CFAP73: variants seen among roughly 807,000 people sequenced by gnomAD.
CFAP73 encodes cilia- and flagella-associated protein 73.
CFAP73 carries 33 observed loss-of-function variants against 42.9 expected under a neutral mutation model. The ratio of observed to expected loss-of-function variants is 0.77; its 90% CI spans 0.58 to 1.03. The LOEUF is 1.03. Ranked by LOEUF, CFAP73 falls within the 50% of genes least tolerant of loss-of-function variation. The pLI is 0.00. For missense variants in CFAP73, 392 were observed against 411.9 expected (o/e 0.95, Z 0.42); for synonymous variants, 162 against 186.8 (o/e 0.87, Z 1.08).
intron 1 of CFAP73, 72 bp from the exon 2 acceptor site, chr12:113,151,846 A>T: frequency 9.3e-7 from 1 of 1,077,314 alleles, no homozygotes; most frequent in Non-Finnish European, 1.4e-6. Context: ...GGGGCACTCC[A>T]GACACAGTGG....
rs888203830 is a variant in CFAP73 at position 113,154,545 on chromosome 12, C to T, written c.600C>T (p.Asp200=). The change falls in exon 5 of 8, where the codon GAC becomes GAT. Residue 200 remains aspartate, a synonymous_variant. Coordinates refer to ENST00000335621, the MANE Select transcript of CFAP73 (RefSeq NM_001144872.3). This position sits in a 1 kb window ranked among gnomAD's most constrained non-coding sequence, Gnocchi z 4.7. ...GAGCGCGGCTGCAGCAGCTGCGGGA[C>T]GCCTGGCCGGACGAGGTGCTCGCAC... ...AARARLQQLR[D]AWPDEVLAQG... 4 of 1,475,502 alleles carry T rather than the reference C, an allele frequency of 2.7e-6. No homozygotes were observed. Among genetic ancestry groups the T allele is most frequent in the Non-Finnish European group, 3.6e-6 (4 of 1,122,894 alleles). 91.4% of individuals were successfully genotyped at this position (1,475,502 alleles called of 1,614,324 possible).
rs201014565 is a variant in CFAP73 at position 113,159,092 on chromosome 12, C to G, written c.*403C>G. 1.2e-6 allele frequency: 2 copies of G among 1,601,836 alleles called. No homozygotes were observed. Among genetic ancestry groups the G allele is most frequent in the African/African-American group, 2.7e-5 (2 of 74,824 alleles). Reference sequence around the variant, plus strand: ...ACTCGGCCTGCAGGGGTGCCTGGGGCGTGGGGCCGGGATGCACCTGCTGGG... The same window carrying G: ...ACTCGGCCTGCAGGGGTGCCTGGGGGGTGGGGCCGGGATGCACCTGCTGGG... On this transcript the variant is annotated 3_prime_UTR_variant, in exon 8 of 8. Transcript: ENST00000335621.
chr12:113,151,141 C>G (rs1952058184), intron 1 of CFAP73, among the ~76,000 whole-genome samples: 1 of 152,110 alleles, frequency 6.6e-6, no homozygotes, highest in Non-Finnish European at 1.5e-5. Context: ...CCAGTGCCTA[C>G]AAGGGTGCCT....
chr12:113,156,301 C>G (rs987835077), intron 6 of CFAP73, among the ~76,000 whole-genome samples: 16 of 151,992 alleles, frequency 1.1e-4, no homozygotes, highest in Admixed American at 8.5e-4. Flanking sequence ...AGCATGGCCC[C>G]TTTGAGAACT....
chr12:113,154,289 G>A lies in CFAP73; in HGVS notation c.469-125G>A. On this transcript the variant is annotated intron_variant, in intron 4 of 7. Transcript: ENST00000335621. The surrounding 1 kb of genome is among the most constrained non-coding windows in gnomAD (Gnocchi z 4.7). ...CGAGACCTTGTCTCTAACAAATGGA[G>A]GTTGACATTTAAGTCACTTTCCAGA... The A allele has an allele frequency of 8.4e-7, 1 of 1,189,358 alleles. No homozygotes were observed. Among genetic ancestry groups the A allele is most frequent in the South Asian group, 1.3e-5 (1 of 74,926 alleles). The allele number at this position is 1,189,358 out of a possible 1,614,324, so 73.7% of individuals were successfully genotyped here.
rs373975214 is a variant in CFAP73, at chr12:113,157,695, G to A, written c.*11+5G>A. The A allele has an allele frequency of 8.8e-5, 136 of 1,550,000 alleles. 4 individuals are homozygous for A. Among genetic ancestry groups the A allele is most frequent in the East Asian group, 5.9e-4 (24 of 40,926 alleles). On this transcript the variant is annotated splice_donor_5th_base_variant and intron_variant, in intron 7 of 7. Transcript: ENST00000335621. The stretch of plus-strand genomic sequence containing the variant: ...TGCCTCCTAGCCCTGACACAGGTGA[G>A]CAGCGGGAGAGGGAACCCCTGAGAG...
Position 113,152,872 on chromosome 12 carries a change from T to C in CFAP73, c.252T>C (p.Phe84=). The part of the protein sequence containing the change: ...ERELKGSFIR[F]DKFLQDSEAR... ...AGCTAAAGGGATCGTTCATCCGCTT[T>C]GACAAGTTTTTGCAGGTAGGTGGAG... The change falls in exon 3 of 8, where the codon TTT becomes TTC. Residue 84 remains phenylalanine, a synonymous_variant. Transcript: ENST00000335621. The C allele has an allele frequency of 1.3e-6, 2 of 1,551,470 alleles. No individual in the cohort carries two copies. The highest frequency in any genetic ancestry group is 1.7e-6 in the Non-Finnish European group (2 of 1,146,858).
At position 113,155,295 on chromosome 12, in the gene CFAP73, G is replaced by A. The variant is rs779437878; in HGVS notation, c.726G>A (p.Ala242=). The A allele has an allele frequency of 1.1e-5, 17 of 1,549,674 alleles. No individual in the cohort carries two copies. Among genetic ancestry groups the A allele is most frequent in the African/African-American group, 5.5e-5 (4 of 73,000 alleles). The part of the protein sequence containing the change: ...SKWIQIQNTA[A]EKTLLLGRSR... Reference sequence around the variant, plus strand: ...GGATTCAGATTCAGAACACAGCAGCGGAGAAGACTCTGCTCCTGGGACGCA... The same window carrying A: ...GGATTCAGATTCAGAACACAGCAGCAGAGAAGACTCTGCTCCTGGGACGCA... The change falls in exon 6 of 8, where the codon GCG becomes GCA. Residue 242 remains alanine, a synonymous_variant. Coordinates refer to ENST00000335621, the MANE Select transcript of CFAP73 (RefSeq NM_001144872.3).
rs1952104531 is a variant in CFAP73 at position 113,154,941 on chromosome 12, G to A, written c.690+306G>A. 6.6e-6 allele frequency among the ~76,000 whole-genome samples: 1 copy of A among 152,194 alleles called. No homozygotes were observed. Among genetic ancestry groups the A allele is most frequent in the African/African-American group, 2.4e-5 (1 of 41,460 alleles). On this transcript the variant is annotated intron_variant, in intron 5 of 7. Coordinates refer to ENST00000335621, the MANE Select transcript of CFAP73 (RefSeq NM_001144872.3). This position sits in a 1 kb window ranked among gnomAD's most constrained non-coding sequence, Gnocchi z 4.7. Reference sequence around the variant, plus strand: ...TCCCAACACTTTGGGAGGCCGAAAGGGGCGGATCACCTCAGGTCATGAGTT... The same window carrying A: ...TCCCAACACTTTGGGAGGCCGAAAGAGGCGGATCACCTCAGGTCATGAGTT...
At chr12:113,153,708 T>A (rs1433830587) in intron 4 of CFAP73, among the ~76,000 whole-genome samples, 1 of 152,164 alleles carries the variant, frequency 6.6e-6, no homozygotes, top group Non-Finnish European at 1.5e-5. Context: ...TCCTCCTGCC[T>A]CTGCCTCCCA....
chr12:113,151,746 C>A (rs931062370), intron 1 of CFAP73, among the ~76,000 whole-genome samples, 172 bp from the exon 2 acceptor site: 2 of 150,812 alleles, frequency 1.3e-5, no homozygotes, highest in Non-Finnish European at 2.9e-5. Flanking sequence ...ATGATTAGAC[C>A]ACTGCACTCC....
In CFAP73 at chr12:113,154,687, G is replaced by A. The variant is rs1452650327; in HGVS notation, c.690+52G>A. 12 of 1,378,386 alleles carry A rather than the reference G, an allele frequency of 8.7e-6. No homozygotes were observed. The highest frequency in any genetic ancestry group is 3.4e-5 in the South Asian group (2 of 59,144). The allele number at this position is 1,378,386 out of a possible 1,614,324, so 85.4% of individuals were successfully genotyped here. On this transcript the variant is annotated intron_variant, in intron 5 of 7. Transcript: ENST00000335621. The surrounding 1 kb of genome is among the most constrained non-coding windows in gnomAD (Gnocchi z 4.7). ...CTCCGGACCCCAGGCTTCCACAGCC[G>A]GGCGGGGAGGAACGCCAGGGCTGAT...
chr12:113,152,476 G>T (rs2136305271), intron 2 of CFAP73, among the ~76,000 whole-genome samples: 1 of 152,336 alleles, frequency 6.6e-6, no homozygotes, highest in East Asian at 1.9e-4. Flanking sequence ...AAAACAGGCA[G>T]AGGAAAACCA....
In CFAP73 at chr12:113,157,692, T is replaced by G. The variant is rs1952148741; in HGVS notation, c.*11+2T>G. 2 of 1,550,206 alleles carry G rather than the reference T, an allele frequency of 1.3e-6. No individual in the cohort carries two copies. The highest frequency in any genetic ancestry group is 2.7e-5 in the African/African-American group (2 of 72,998). On this transcript the variant is annotated splice_donor_variant, in intron 7 of 7. Coordinates refer to ENST00000335621, the MANE Select transcript of CFAP73 (RefSeq NM_001144872.3). LOFTEE classifies it low-confidence loss of function (3UTR_SPLICE). ...CCCTGCCTCCTAGCCCTGACACAGG[T>G]GAGCAGCGGGAGAGGGAACCCCTGA...
chr12:113,153,489 C>T (rs1487875444), intron 4 of CFAP73, 81 bp downstream of exon 4: 1 of 1,161,174 alleles, frequency 8.6e-7, no homozygotes, highest in Non-Finnish European at 1.1e-6. Flanking sequence ...GACCGGCGAA[C>T]TACTGGTTCG....
At chr12:113,157,102 T>C (rs145818881) in intron 6 of CFAP73, 1 of 153,556 alleles carries the variant, frequency 6.5e-6, no homozygotes, top group African/African-American at 2.4e-5. Flanking sequence ...AAAAGTTTCC[T>C]TCTCAGCTGT....
At chr12:113,155,560 C>T (rs1306543054) in intron 6 of CFAP73, 142 bp downstream of exon 6, 14 of 918,878 alleles carry the variant, frequency 1.5e-5, no homozygotes, top group South Asian at 2.4e-5. Context: ...AGCCGTGGCT[C>T]GATTGTCGGG....
chr12:113,151,201 A>T (rs1249891376), intron 1 of CFAP73, among the ~76,000 whole-genome samples: 1 of 152,150 alleles, frequency 6.6e-6, no homozygotes, highest in African/African-American at 2.4e-5. Context: ...AAAGAATTCA[A>T]CCAGGTGCGG....
rs553488315 is a variant in CFAP73 at position 113,152,673 on chromosome 12, G to A, written c.163-110G>A. The A allele has an allele frequency of 1.5e-4, 115 of 748,922 alleles. 2 individuals carry two copies. The highest frequency in any genetic ancestry group is 2.4e-4 in the Non-Finnish European group (105 of 440,338). The allele number at this position is 748,922 out of a possible 1,614,324, so 46.4% of individuals were successfully genotyped here. A position where few individuals can be genotyped will look rare whatever the true frequency, so the allele number is the denominator to read the frequency against. On this transcript the variant is annotated intron_variant, in intron 2 of 7. Coordinates refer to ENST00000335621, the MANE Select transcript of CFAP73 (RefSeq NM_001144872.3). The stretch of plus-strand genomic sequence containing the variant: ...GGGAGCCCCGGATGGGTTGAGCAGG[G>A]AGCAGCCACAGATCAGGGACAACAG...
Sources: allele counts gnomAD v4.1 joint callset (sites outside exome capture counted in the v4.1 genomes callset), GRCh38; gene constraint gnomAD v4.1.1; non-coding constraint Gnocchi (gnomAD v3.1); transcripts MANE v1.5; gene names NCBI Gene and HGNC (gene_info 2026-07-23, HGNC 2026-07-21).